Variants in SPMAP2L observed in about 807,000 individuals in gnomAD.
SPMAP2L encodes the protein sperm microtubule associated protein 2 like.
the SPMAP2L span, among the ~76,000 whole-genome samples, chr4:56,543,689 C>CAAAT: frequency 1.8e-3 from 275 of 151,764 alleles, 1 homozygote; most frequent in African/African-American, 4.4e-3. Flanking sequence ...GATTCTGTCT[C>CAAAT]AAATAAATAA....
chr4:56,570,574 C>T, the SPMAP2L span, among the ~76,000 whole-genome samples: 1 of 152,002 alleles, frequency 6.6e-6, no homozygotes, highest in South Asian at 2.1e-4. Flanking sequence ...AGAAATGGTA[C>T]ACCTGAATAG....
At chr4:56,547,158 A>G in the SPMAP2L span, among the ~76,000 whole-genome samples, 1 of 152,138 alleles carries the variant, frequency 6.6e-6, no homozygotes, top group South Asian at 2.1e-4. Context: ...TGTAACTACC[A>G]TTCATCTACC....
At chr4:56,580,982 A>G in the SPMAP2L span, among the ~76,000 whole-genome samples, 1 of 152,170 alleles carries the variant, frequency 6.6e-6, no homozygotes, top group Admixed American at 6.6e-5. Context: ...CTTTGAGGAC[A>G]CTATGCTGAG....
At chr4:56,537,716 A>G in the SPMAP2L span, among the ~76,000 whole-genome samples, 5 of 150,178 alleles carry the variant, frequency 3.3e-5, no homozygotes, top group African/African-American at 1.2e-4. Context: ...TTTTGAGACG[A>G]GTCTCGCTCT....
chr4:56,536,157 C>T, the SPMAP2L span, among the ~76,000 whole-genome samples: 1 of 152,232 alleles, frequency 6.6e-6, no homozygotes, highest in African/African-American at 2.4e-5. Context: ...AAAACCAGTC[C>T]ACAGCCCGGG....
chr4:56,568,198 A>G, the SPMAP2L span, among the ~76,000 whole-genome samples: 1 of 152,184 alleles, frequency 6.6e-6, no homozygotes, highest in African/African-American at 2.4e-5. Context: ...TGCCTTCTTG[A>G]AAATACGCAA....
chr4:56,565,104 T>G, the SPMAP2L span, among the ~76,000 whole-genome samples: 1 of 152,232 alleles, frequency 6.6e-6, no homozygotes, highest in African/African-American at 2.4e-5. Context: ...TGATAAATGT[T>G]CGGTGTGCAC....
the SPMAP2L span, among the ~76,000 whole-genome samples, chr4:56,592,606 C>T: frequency 6.6e-6 from 1 of 152,282 alleles, no homozygotes; most frequent in African/African-American, 2.4e-5. Flanking sequence ...GGAGAGGGGC[C>T]GAGAGCGCGG....
the SPMAP2L span, among the ~76,000 whole-genome samples, chr4:56,550,928 G>A: frequency 4.0e-5 from 6 of 149,404 alleles, no homozygotes; most frequent in South Asian, 4.3e-4. Context: ...ACTCCAGCGT[G>A]GGGAACATAG....
At chr4:56,593,832 C>T in the SPMAP2L span, 7 of 1,610,254 alleles carry the variant, frequency 4.3e-6, no homozygotes, top group Middle Eastern at 3.5e-4. Context: ...GCGAATATGG[C>T]AGCCATGTTT....
chr4:56,618,611 A>T, the SPMAP2L span, among the ~76,000 whole-genome samples: 2 of 152,200 alleles, frequency 1.3e-5, no homozygotes, highest in African/African-American at 2.4e-5. Context: ...ACTCACTATC[A>T]CAAGAACAGC....
the SPMAP2L span, chr4:56,548,724 C>G: frequency 1.8e-6 from 2 of 1,110,534 alleles, no homozygotes; most frequent in South Asian, 2.0e-5. Context: ...ATTTGTGATG[C>G]TATCTTAATC....
At chr4:56,602,027 T>C in the SPMAP2L span, among the ~76,000 whole-genome samples, 2 of 152,230 alleles carry the variant, frequency 1.3e-5, no homozygotes, top group African/African-American at 2.4e-5. Context: ...GGAAGACTTA[T>C]TTTTCAATAA....
the SPMAP2L span, among the ~76,000 whole-genome samples, chr4:56,577,877 C>T: frequency 1.3e-5 from 2 of 151,988 alleles, no homozygotes; most frequent in African/African-American, 4.8e-5. Flanking sequence ...CCCAGCTACT[C>T]GGGAGGCTGA....
the SPMAP2L span, among the ~76,000 whole-genome samples, chr4:56,534,928 T>G: frequency 6.6e-6 from 1 of 151,876 alleles, no homozygotes; most frequent in Non-Finnish European, 1.5e-5. Context: ...AAACTCCATC[T>G]CAACAACAAC....
the SPMAP2L span, among the ~76,000 whole-genome samples, chr4:56,538,630 C>CTG: frequency 2.0e-5 from 3 of 152,130 alleles, no homozygotes; most frequent in Non-Finnish European, 4.4e-5. Context: ...TGGTGAAACC[C>CTG]CAGCTCTACT....
chr4:56,568,882 T>C, the SPMAP2L span, among the ~76,000 whole-genome samples: 46 of 152,332 alleles, frequency 3.0e-4, no homozygotes, highest in South Asian at 8.9e-3. Flanking sequence ...GTACTTATTC[T>C]GGTAATTTCA....
chr4:56,607,221 G>A, the SPMAP2L span, among the ~76,000 whole-genome samples: 36 of 152,288 alleles, frequency 2.4e-4, no homozygotes, highest in African/African-American at 8.7e-4. Flanking sequence ...AATTGGATTA[G>A]TGCCCTTGTA....
the SPMAP2L span, among the ~76,000 whole-genome samples, chr4:56,543,260 T>C: frequency 6.6e-6 from 1 of 152,114 alleles, no homozygotes; most frequent in African/African-American, 2.4e-5. Context: ...ATATTTTGTA[T>C]TTTTAGTAGA....
Sources: allele counts gnomAD v4.1 joint callset (sites outside exome capture counted in the v4.1 genomes callset), GRCh38; gene constraint gnomAD v4.1.1; transcripts MANE v1.5; gene names NCBI Gene and HGNC (gene_info 2026-07-23, HGNC 2026-07-21).